The following DRC4 variants were observed in gnomAD, a reference collection of about 807,000 sequenced individuals.
DRC4 encodes the protein dynein regulatory complex subunit 4, also known as GAS-11.
the DRC4 span, among the ~76,000 whole-genome samples, chr16:90,030,785 G>GA: frequency 3.3e-5 from 5 of 151,916 alleles, no homozygotes; most frequent in African/African-American, 1.2e-4. Context: ...CCTAGTTAAT[G>GA]AAAAAAAGTT....
the DRC4 span, among the ~76,000 whole-genome samples, chr16:90,021,070 A>G: frequency 6.6e-6 from 1 of 152,370 alleles, no homozygotes; most frequent in South Asian, 2.1e-4. Flanking sequence ...CAGACTTCAC[A>G]GAGGCCTCAG....
At chr16:90,035,540 G>A in the DRC4 span, 95 of 1,549,740 alleles carry the variant, frequency 6.1e-5, no homozygotes, top group Non-Finnish European at 7.7e-5. Flanking sequence ...GAATATGGAG[G>A]TGACCAAAAC....
chr16:90,043,575 G>T, the DRC4 span: 1 of 598,012 alleles, frequency 1.7e-6, no homozygotes, highest in African/African-American at 1.8e-5. Context: ...CGTCCAGCCT[G>T]TGTCCAGGCC....
At chr16:90,037,200 A>G in the DRC4 span, 1 of 1,569,404 alleles carries the variant, frequency 6.4e-7, no homozygotes, top group Non-Finnish European at 8.6e-7. Flanking sequence ...CTGCCTGCTG[A>G]GCCCCTGCCG....
At chr16:90,020,230 C>T in the DRC4 span, 1 of 445,088 alleles carries the variant, frequency 2.2e-6, no homozygotes, top group Non-Finnish European at 4.0e-6. Context: ...TAATCCCAGC[C>T]CTTTGGGAGG....
At chr16:90,035,559 A>G in the DRC4 span, 2 of 1,601,790 alleles carry the variant, frequency 1.2e-6, no homozygotes, top group Non-Finnish European at 1.7e-6. Context: ...ACCATGAGGA[A>G]CAGGGTCAGC....
the DRC4 span, chr16:90,037,284 C>T: frequency 5.9e-5 from 95 of 1,613,828 alleles, no homozygotes; most frequent in South Asian, 9.7e-4. Flanking sequence ...AGGGAGATGG[C>T]AGAGGTGTCT....
At chr16:90,019,871 C>T in the DRC4 span, 2 of 677,512 alleles carry the variant, frequency 3.0e-6, no homozygotes, top group Non-Finnish European at 5.4e-6. This position sits in a 1 kb window ranked among gnomAD's most constrained non-coding sequence, Gnocchi z 6.1. Flanking sequence ...ACTCACAGAG[C>T]GCCCTGGATG....
At chr16:90,039,507 T>A in the DRC4 span, among the ~76,000 whole-genome samples, 1 of 151,808 alleles carries the variant, frequency 6.6e-6, no homozygotes, top group Admixed American at 6.6e-5. Context: ...TGCCTCGGCC[T>A]CCCGAGTAGC....
chr16:90,042,767 G>A, the DRC4 span: 5 of 562,240 alleles, frequency 8.9e-6, no homozygotes, highest in South Asian at 2.0e-5. Flanking sequence ...GGGTGTAGGG[G>A]GGGACCTGGA....
At chr16:90,043,687 C>T in the DRC4 span, 38 of 516,454 alleles carry the variant, frequency 7.4e-5, no homozygotes, top group East Asian at 2.2e-4. Flanking sequence ...TGCCTGTCTT[C>T]GCGCCACTGT....
the DRC4 span, chr16:90,022,680 G>A: frequency 7.0e-7 from 1 of 1,420,376 alleles, no homozygotes; most frequent in Non-Finnish European, 9.3e-7. Context: ...GGGGGCGGGC[G>A]CCCTGGTCCC....
chr16:90,040,819 G>A, the DRC4 span, among the ~76,000 whole-genome samples: 1 of 151,664 alleles, frequency 6.6e-6, no homozygotes, highest in African/African-American at 2.4e-5. Context: ...TCCACAGGTG[G>A]GGCTGGGAGG....
the DRC4 span, among the ~76,000 whole-genome samples, chr16:90,032,384 G>T: frequency 3.0e-5 from 4 of 133,844 alleles, no homozygotes; most frequent in African/African-American, 1.2e-4. Flanking sequence ...AGGTGTGTAC[G>T]GGTACGGACA....
chr16:90,023,212 T>C, the DRC4 span, among the ~76,000 whole-genome samples: 256 of 152,154 alleles, frequency 1.7e-3, no homozygotes, highest in African/African-American at 5.8e-3. Flanking sequence ...TGGCTAGAGA[T>C]CCCTCTACAC....
the DRC4 span, chr16:90,031,272 C>T: frequency 3.7e-6 from 6 of 1,610,328 alleles, no homozygotes; most frequent in Non-Finnish European, 5.1e-6. Context: ...TGCTCAGTGC[C>T]TCACCTGACC....
the DRC4 span, among the ~76,000 whole-genome samples, chr16:90,021,361 T>TTCTG: frequency 6.6e-6 from 1 of 152,118 alleles, no homozygotes; most frequent in African/African-American, 2.4e-5. Context: ...CGAGCATGGA[T>TTCTG]TCTGTACTCT....
the DRC4 span, among the ~76,000 whole-genome samples, chr16:90,030,054 G>A: frequency 6.6e-6 from 1 of 152,192 alleles, no homozygotes; most frequent in African/African-American, 2.4e-5. Flanking sequence ...ACCGCGCCTG[G>A]CAGTAACTGA....
the DRC4 span, among the ~76,000 whole-genome samples, chr16:90,021,641 A>C: frequency 6.6e-6 from 1 of 152,004 alleles, no homozygotes; most frequent in African/African-American, 2.4e-5. Flanking sequence ...CCGAGGCAGG[A>C]GGATCACTTG....
Sources: allele counts gnomAD v4.1 joint callset (sites outside exome capture counted in the v4.1 genomes callset), GRCh38; gene constraint gnomAD v4.1.1; non-coding constraint Gnocchi (gnomAD v3.1); transcripts MANE v1.5; gene names NCBI Gene and HGNC (gene_info 2026-07-23, HGNC 2026-07-21).